CISD2: variants seen among roughly 807,000 people sequenced by gnomAD.
CISD2 encodes CDGSH iron-sulfur domain-containing protein 2.
Under a neutral mutation model 12.9 loss-of-function variants are expected in CISD2, and 1 was observed. The observed-to-expected ratio is 0.08, with a 90% CI of 0.03 to 0.37. The LOEUF is 0.37. Ranked by LOEUF, CISD2 falls within the 10% of genes least tolerant of loss-of-function variation. CISD2 has a pLI of 0.99. For synonymous variants in CISD2, 50 were observed against 60.6 expected (o/e 0.83, Z 0.81); for missense variants, 97 against 163.1 (o/e 0.59, Z 2.21).
intron 1 of CISD2, 53 bp from the exon 2 acceptor site, chr4:102,885,163 T>G: frequency 7.3e-7 from 1 of 1,374,436 alleles, no homozygotes; most frequent in Non-Finnish European, 1.0e-6. Flanking sequence ...AGACATGCTA[T>G]TTTGAATTCT....
intron 1 of CISD2, among the ~76,000 whole-genome samples, chr4:102,884,175 A>C (rs1733798410): frequency 6.6e-6 from 1 of 152,218 alleles, no homozygotes; most frequent in South Asian, 2.1e-4. Context: ...GTCCTGGACT[A>C]AACCTGCTTA....
chr4:102,886,231 G>A (rs1733906957), intron 2 of CISD2, among the ~76,000 whole-genome samples: 1 of 152,194 alleles, frequency 6.6e-6, no homozygotes, highest in Non-Finnish European at 1.5e-5. Context: ...GCTCACGCCT[G>A]TAATCCCAGC....
At chr4:102,883,660 G>A (rs1219683464) in intron 1 of CISD2, among the ~76,000 whole-genome samples, 2 of 152,154 alleles carry the variant, frequency 1.3e-5, no homozygotes, top group African/African-American at 4.8e-5. Context: ...GTTATCTCCA[G>A]AGCTTTAATT....
rs1316584266 is a variant in CISD2 at position 102,888,314 on chromosome 4, A to G, written c.*884A>G. ...TACGCTAGGGACTGGTTCCAGGGCC[A>G]CACATATACCAAAATCTGCCCATAC... On this transcript the variant is annotated 3_prime_UTR_variant, in exon 3 of 3. Coordinates refer to ENST00000273986, the MANE Select transcript of CISD2 (RefSeq NM_001008388.5). The G allele has an allele frequency of 2.0e-5, 3 of 152,194 alleles. No individual in the cohort carries two copies. The highest frequency in any genetic ancestry group is 7.2e-5 in the African/African-American group (3 of 41,444). 9.4% of individuals were successfully genotyped at this position (152,194 alleles called of 1,614,324 possible). A position where few individuals can be genotyped will look rare whatever the true frequency, so the allele number is the denominator to read the frequency against.
chr4:102,878,375 C>T (rs2850599), intron 1 of CISD2, among the ~76,000 whole-genome samples: 82,551 of 151,716 alleles, frequency 0.54, 23,023 homozygotes, highest in African/African-American at 0.68. Flanking sequence ...ATGATCTGCC[C>T]GCCTCAGCCT....
chr4:102,878,276 T>C (rs1733636272), intron 1 of CISD2, among the ~76,000 whole-genome samples: 1 of 152,108 alleles, frequency 6.6e-6, no homozygotes, highest in East Asian at 1.9e-4. Flanking sequence ...GAACTACAGG[T>C]GTGCACCACC....
rs1198369956 is a variant in CISD2, at chr4:102,890,424, C to A, written c.*2994C>A. On this transcript the variant is annotated 3_prime_UTR_variant, in exon 3 of 3. Transcript: ENST00000273986. ...ATTTAGGTGGATGTTTTATTTGATA[C>A]CTACCAAAGAAGCCTAAGTAATTGT... 6.6e-6 allele frequency: 1 copy of A among 152,122 alleles called. No homozygotes were observed. Among genetic ancestry groups the A allele is most frequent in the Non-Finnish European group, 1.5e-5 (1 of 68,024 alleles). The allele number at this position is 152,122 out of a possible 1,614,324, so 9.4% of individuals were successfully genotyped here.
intron 1 of CISD2, among the ~76,000 whole-genome samples, chr4:102,871,814 C>T (rs1733457937): frequency 6.6e-6 from 1 of 152,004 alleles, no homozygotes; most frequent in Non-Finnish European, 1.5e-5. Flanking sequence ...AAAATTAGAG[C>T]AAAAAACAAT....
chr4:102,869,095 A>G lies in CISD2; in HGVS notation c.11A>G (p.Glu4Gly). ...ACGCCGCTGGCCAGGATGGTGCTGG[A>G]GAGCGTGGCCCGTATCGTGAAGGTG... MVL[E>G]SVARIVKVQL... is the part of the protein sequence containing the mutation. The change falls in exon 1 of 3, where the codon GAG (glutamate) becomes GGG (glycine). Residue 4 changes from glutamate (E) to glycine (G), a missense_variant. By Grantham distance (98) the Glu-to-Gly change is moderately conservative. This residue lies in a region of CISD2 where 89 missense variants were observed against 114.4 expected (regional missense o/e 0.78). Transcript: ENST00000273986. 1 of 1,611,240 alleles carries G rather than the reference A, an allele frequency of 6.2e-7. No individual in the cohort carries two copies.
chr4:102,870,652 G>C (rs1733416725), intron 1 of CISD2, among the ~76,000 whole-genome samples: 2 of 152,188 alleles, frequency 1.3e-5, no homozygotes, highest in African/African-American at 4.8e-5. Context: ...AATGAAAAAC[G>C]TTTCACATCA....
Position 102,892,631 on chromosome 4 carries a change from C to T in CISD2, c.*5201C>T, listed in dbSNP as rs1734307674. ...ATGGTGAGAAAGTATATTTGTGATA[C>T]TGTTTTCTTAGAACACTGTTGTCAG... is the stretch of plus-strand genomic sequence containing the variant. On this transcript the variant is annotated 3_prime_UTR_variant, in exon 3 of 3. Transcript: ENST00000273986. 6.6e-6 allele frequency: 1 copy of T among 152,152 alleles called. No homozygotes were observed. Among genetic ancestry groups the T allele is most frequent in the African/African-American group, 2.4e-5 (1 of 41,438 alleles). The allele number at this position is 152,152 out of a possible 1,614,324, so 9.4% of individuals were successfully genotyped here.
chr4:102,884,418 G>A (rs1733808709), intron 1 of CISD2, among the ~76,000 whole-genome samples: 1 of 152,186 alleles, frequency 6.6e-6, no homozygotes, highest in Non-Finnish European at 1.5e-5. Context: ...GGCATTCAGT[G>A]AAGGAAGTTA....
chr4:102,886,905 G>A (rs1733954679), intron 2 of CISD2, among the ~76,000 whole-genome samples: 1 of 152,132 alleles, frequency 6.6e-6, no homozygotes, highest in African/African-American at 2.4e-5. Flanking sequence ...GTAAACTACC[G>A]CACCAGCCTA....
At chr4:102,884,027 T>C (rs1733794042) in intron 1 of CISD2, among the ~76,000 whole-genome samples, 1 of 152,170 alleles carries the variant, frequency 6.6e-6, no homozygotes, top group African/African-American at 2.4e-5. Context: ...TTTGGAAGAG[T>C]TCATATTGTC....
chr4:102,872,444 G>T (rs1001622363), intron 1 of CISD2, among the ~76,000 whole-genome samples: 14 of 152,104 alleles, frequency 9.2e-5, no homozygotes, highest in African/African-American at 2.9e-4. Flanking sequence ...TTAAGAAATA[G>T]AAATAATTTC....
rs1484853689 is a variant in CISD2, at chr4:102,892,740, G to A, written c.*5310G>A. 6.6e-6 allele frequency: 1 copy of A among 151,984 alleles called. No homozygotes were observed. Among genetic ancestry groups the A allele is most frequent in the East Asian group, 1.9e-4 (1 of 5,184 alleles). 9.4% of individuals were successfully genotyped at this position (151,984 alleles called of 1,614,324 possible). A position where few individuals can be genotyped will look rare whatever the true frequency, so the allele number is the denominator to read the frequency against. ...AAAATAATACAGAAAAGGAGAAAAG[G>A]GTAGTACATTTCATAATTAGAGATA... On this transcript the variant is annotated 3_prime_UTR_variant, in exon 3 of 3. Transcript: ENST00000273986.
intron 1 of CISD2, among the ~76,000 whole-genome samples, chr4:102,877,571 C>T (rs1320463566): frequency 6.6e-6 from 1 of 152,326 alleles, no homozygotes; most frequent in East Asian, 1.9e-4. Context: ...GGGTCTGGAG[C>T]AGGTAGCCGC....
chr4:102,887,316 A>G lies in CISD2; in HGVS notation c.319-25A>G, dbSNP rs769482359. 28 of 1,144,932 alleles carry G rather than the reference A, an allele frequency of 2.4e-5. No homozygotes were observed. The Admixed American group carries it at 4.8e-4, about 20-fold the overall frequency. 70.9% of individuals were successfully genotyped at this position (1,144,932 alleles called of 1,614,324 possible). On this transcript the variant is annotated intron_variant, in intron 2 of 2. Transcript: ENST00000273986. ...TAATGAATCATATTTTAAAAATAAC[A>G]CTTGTAATTCTTTTTTCTTTTTAGT...
intron 1 of CISD2, 98 bp downstream of exon 1, chr4:102,869,285 G>A: frequency 2.0e-6 from 3 of 1,478,240 alleles, no homozygotes; most frequent in Non-Finnish European, 2.8e-6. Flanking sequence ...GACGGAGCTC[G>A]GCGCCTGGCA....
Sources: gnomAD v4.1 joint callset for allele counts (sites outside exome capture counted in the v4.1 genomes callset) on GRCh38, gnomAD v4.1.1 for gene constraint, gnomAD v4.1.1 regional missense constraint, MANE v1.5 for transcripts, NCBI Gene and HGNC (gene_info 2026-07-23, HGNC 2026-07-21) for gene names.